CADM2: variants seen among roughly 807,000 people sequenced by gnomAD.
CADM2 encodes the protein cell adhesion molecule 2.
Under a neutral mutation model 49.8 loss-of-function variants are expected in CADM2, and 12 were observed. The ratio of observed to expected loss-of-function variants is 0.24; its 90% CI spans 0.15 to 0.39. CADM2 has a LOEUF of 0.39. Ranked by LOEUF, CADM2 falls within the 10% of genes least tolerant of loss-of-function variation. The pLI is 1.00. For missense variants in CADM2, 378 were observed against 492.3 expected (o/e 0.77, Z 2.20); for synonymous variants, 214 against 175.4 (o/e 1.22, Z -1.74).
intron 8 of CADM2, among the ~76,000 whole-genome samples, chr3:86,003,402 A>G (rs1362605306): frequency 6.6e-6 from 1 of 152,162 alleles, no homozygotes; most frequent in Non-Finnish European, 1.5e-5. Flanking sequence ...GCCAGCATCT[A>G]TGAAACTGTG....
At chr3:85,130,087 G>A (rs142451825) in intron 1 of CADM2, among the ~76,000 whole-genome samples, 220 of 152,162 alleles carry the variant, frequency 1.4e-3, no homozygotes, top group African/African-American at 4.3e-3. Context: ...TAATTCACCC[G>A]TTTTCATCTT....
intron 8 of CADM2, chr3:86,014,071 G>T: frequency 3.1e-6 from 4 of 1,296,000 alleles, no homozygotes; most frequent in Non-Finnish European, 4.2e-6. Context: ...TTTCACAACG[G>T]TTAAGAAAGG....
At chr3:85,122,151 C>T (rs2038886729) in intron 1 of CADM2, among the ~76,000 whole-genome samples, 1 of 151,974 alleles carries the variant, frequency 6.6e-6, no homozygotes, top group African/African-American at 2.4e-5. Context: ...TTTTTCATTC[C>T]CAAGCTCCTC....
chr3:85,210,125 T>A (rs534985094), intron 1 of CADM2, among the ~76,000 whole-genome samples: 198 of 152,330 alleles, frequency 1.3e-3, no homozygotes, highest in Non-Finnish European at 1.7e-3. Context: ...CTTTTATATG[T>A]GGTTTTTATT....
intron 8 of CADM2, among the ~76,000 whole-genome samples, chr3:86,009,679 G>C (rs1731251435): frequency 6.6e-6 from 1 of 151,726 alleles, no homozygotes; most frequent in Admixed American, 6.6e-5. Flanking sequence ...CCCATGGGCT[G>C]TTAAAAATTA....
At chr3:85,262,498 A>C (rs2043034583) in intron 1 of CADM2, among the ~76,000 whole-genome samples, 1 of 152,068 alleles carries the variant, frequency 6.6e-6, no homozygotes, top group South Asian at 2.1e-4. Flanking sequence ...TTCTTGAAAA[A>C]ATTCATAATA....
intron 1 of CADM2, among the ~76,000 whole-genome samples, chr3:85,505,863 G>C (rs2107675091): frequency 6.6e-6 from 1 of 152,136 alleles, no homozygotes; most frequent in African/African-American, 2.4e-5. Flanking sequence ...AACATGTTTG[G>C]TATTTTTGCT....
intron 8 of CADM2, 110 bp downstream of exon 8, chr3:85,961,757 A>G: frequency 3.7e-6 from 2 of 542,452 alleles, no homozygotes; most frequent in Non-Finnish European, 6.0e-6. Flanking sequence ...GTTTCTTTTT[A>G]CTTCAGGACA....
chr3:85,082,106 T>C (rs1283941690), intron 1 of CADM2, among the ~76,000 whole-genome samples: 4 of 152,192 alleles, frequency 2.6e-5, no homozygotes, highest in Non-Finnish European at 5.9e-5. Context: ...GTATGCTCAA[T>C]TAGTAAATGA....
intron 2 of CADM2, among the ~76,000 whole-genome samples, chr3:85,798,831 G>A (rs1406007133): frequency 6.6e-6 from 1 of 152,088 alleles, no homozygotes; most frequent in African/African-American, 2.4e-5. Flanking sequence ...GCTTGATGGG[G>A]ATGGCATTGA....
chr3:85,461,856 G>A (rs1018906292), intron 1 of CADM2, among the ~76,000 whole-genome samples: 10 of 152,046 alleles, frequency 6.6e-5, no homozygotes, highest in African/African-American at 2.4e-4. Flanking sequence ...TGAAAACTTA[G>A]ATTCAGATAA....
chr3:86,020,269 C>G (rs1173705922), intron 8 of CADM2, among the ~76,000 whole-genome samples: 1 of 151,560 alleles, frequency 6.6e-6, no homozygotes, highest in Non-Finnish European at 1.5e-5. Flanking sequence ...CACATACACT[C>G]TCCCAAGACT....
At chr3:85,913,504 A>G (rs1415141136) in intron 6 of CADM2, among the ~76,000 whole-genome samples, 1 of 152,170 alleles carries the variant, frequency 6.6e-6, no homozygotes, top group Non-Finnish European at 1.5e-5. Flanking sequence ...CTGTTCCAAT[A>G]TGTTTCATTG....
chr3:86,006,704 A>G (rs533449147), intron 8 of CADM2, among the ~76,000 whole-genome samples: 34 of 152,160 alleles, frequency 2.2e-4, no homozygotes, highest in African/African-American at 6.3e-4. Flanking sequence ...CTGCTCCACA[A>G]ATTCCTTTTG....
At chr3:85,716,016 T>C (rs2067279935) in intron 1 of CADM2, among the ~76,000 whole-genome samples, 1 of 152,234 alleles carries the variant, frequency 6.6e-6, no homozygotes, top group South Asian at 2.1e-4. Context: ...TTTGGGTATA[T>C]ACCCAGTAAT....
At chr3:84,996,186 T>G (rs1387674923) in intron 1 of CADM2, among the ~76,000 whole-genome samples, 1 of 152,144 alleles carries the variant, frequency 6.6e-6, no homozygotes, top group Non-Finnish European at 1.5e-5. Context: ...TTGAAAATGT[T>G]TTTTAAAAGG....
At chr3:85,164,814 A>G (rs1027619385) in intron 1 of CADM2, among the ~76,000 whole-genome samples, 3 of 152,010 alleles carry the variant, frequency 2.0e-5, no homozygotes, top group African/African-American at 7.2e-5. Context: ...ATTCAAATTT[A>G]TTTATTTCCA....
chr3:85,568,467 T>TTCTC (rs763270112), intron 1 of CADM2, among the ~76,000 whole-genome samples: 6 of 24,512 alleles, frequency 2.4e-4, no homozygotes, highest in African/African-American at 7.3e-4. Flanking sequence ...TTCTTTCTCT[T>TTCTC]TCTCTCTCTT....
At chr3:85,913,426 T>C (rs995996452) in intron 6 of CADM2, among the ~76,000 whole-genome samples, 3 of 152,234 alleles carry the variant, frequency 2.0e-5, no homozygotes, top group African/African-American at 7.2e-5. Flanking sequence ...GATAAAATTA[T>C]AGCTTGAGCT....
Sources: allele counts gnomAD v4.1 joint callset (sites outside exome capture counted in the v4.1 genomes callset), GRCh38; gene constraint gnomAD v4.1.1; transcripts MANE v1.5; gene names NCBI Gene and HGNC (gene_info 2026-07-23, HGNC 2026-07-21).